Variants in PARD3B observed in about 807,000 individuals in gnomAD.
The protein encoded by PARD3B is par-3 family cell polarity regulator beta, also known as partitioning defective 3 homolog B.
PARD3B carries 103 observed loss-of-function variants against 130.2 expected under a neutral mutation model. The ratio of observed to expected loss-of-function variants is 0.79; its 90% CI spans 0.67 to 0.93. PARD3B has a LOEUF of 0.93. PARD3B is among the 40% of genes least tolerant of loss of function. The pLI, the probability that PARD3B is intolerant of heterozygous loss-of-function variation, is 0.00. For missense variants in PARD3B, 1,609 were observed against 1,499.2 expected, an observed-to-expected ratio of 1.07 and a Z score of -1.21; for synonymous variants, 583 against 553.2, an observed-to-expected ratio of 1.05 and a Z score of -0.76.
At chr2:204,879,002 G>A (rs2045945247) in intron 2 of PARD3B, among the ~76,000 whole-genome samples, 1 of 152,016 alleles carries the variant, frequency 6.6e-6, no homozygotes, top group Non-Finnish European at 1.5e-5. Flanking sequence ...GGTTGCTGTA[G>A]ATGCCCTTAG....
intron 4 of PARD3B, among the ~76,000 whole-genome samples, chr2:205,090,832 G>A (rs1225438228): frequency 2.6e-5 from 4 of 152,208 alleles, no homozygotes; most frequent in Non-Finnish European, 4.4e-5. Flanking sequence ...TGGCCCATTA[G>A]TGTGGGGAAG....
At chr2:205,006,810 A>G (rs979083306) in intron 3 of PARD3B, among the ~76,000 whole-genome samples, 1 of 152,022 alleles carries the variant, frequency 6.6e-6, no homozygotes, top group Non-Finnish European at 1.5e-5. Flanking sequence ...GAAGCTTTTT[A>G]GTTTTATTAG....
At chr2:204,992,271 G>A (rs2125245324) in intron 3 of PARD3B, among the ~76,000 whole-genome samples, 1 of 142,624 alleles carries the variant, frequency 7.0e-6, no homozygotes, top group East Asian at 2.1e-4. Context: ...GTAAGGAAGG[G>A]ATCCAGTTTC....
chr2:204,589,490 A>G (rs2032983328), intron 1 of PARD3B, among the ~76,000 whole-genome samples: 1 of 152,204 alleles, frequency 6.6e-6, no homozygotes. Context: ...CAGAACTTTT[A>G]TCTATTTCAC....
intron 2 of PARD3B, among the ~76,000 whole-genome samples, chr2:204,942,485 T>C (rs1688979987): frequency 6.6e-6 from 1 of 152,168 alleles, no homozygotes; most frequent in Admixed American, 6.5e-5. Flanking sequence ...TTGAGAATGT[T>C]TGAAACATTT....
intron 16 of PARD3B, among the ~76,000 whole-genome samples, chr2:205,278,617 C>G (rs1048693326): frequency 6.6e-6 from 1 of 152,158 alleles, no homozygotes; most frequent in Non-Finnish European, 1.5e-5. Flanking sequence ...TTGCTGAGCA[C>G]TCGAGAGACT....
chr2:204,664,459 C>T lies in PARD3B; in HGVS notation c.121-21722C>T, dbSNP rs2035942564. ...GGCATAACTAAATGCTTACCACCCT[C>T]CCTGAAAGTTAGTTACGTTTTGATC... On this transcript the variant is annotated intron_variant, in intron 1 of 22. Transcript: ENST00000406610. The surrounding 1 kb of genome is among the most constrained non-coding windows in gnomAD (Gnocchi z 5.2). Among the ~76,000 whole-genome samples the T allele has an allele frequency of 6.6e-6, 1 of 152,158 alleles. No homozygotes were observed. Among genetic ancestry groups the T allele is most frequent in the South Asian group, 2.1e-4 (1 of 4,834 alleles).
chr2:204,941,802 T>C (rs1688925459), intron 2 of PARD3B, among the ~76,000 whole-genome samples: 1 of 151,788 alleles, frequency 6.6e-6, no homozygotes, highest in Non-Finnish European at 1.5e-5. Flanking sequence ...TCATTGGTTT[T>C]TTTTAGAGTT....
At chr2:204,619,674 G>A (rs562328936) in intron 1 of PARD3B, among the ~76,000 whole-genome samples, 2 of 152,232 alleles carry the variant, frequency 1.3e-5, no homozygotes, top group East Asian at 1.9e-4. Flanking sequence ...CTAAGACCAC[G>A]TGAACCGATC....
At position 204,692,625 on chromosome 2, in the gene PARD3B, T is replaced by A. The variant is rs142470483; in HGVS notation, c.222+6343T>A. Among the ~76,000 whole-genome samples the A allele has an allele frequency of 3.5e-3, 526 of 152,146 alleles. 3 individuals carry two copies. Among genetic ancestry groups the A allele is most frequent in the African/African-American group, 0.012 (494 of 41,528 alleles). On this transcript the variant is annotated intron_variant, in intron 2 of 22. Coordinates refer to ENST00000406610, the MANE Select transcript of PARD3B (RefSeq NM_001302769.2). The stretch of plus-strand genomic sequence containing the variant: ...ATTAAAAGAAAAACAAATCAGGATA[T>A]GATGTGTTTTTGTTTTTCCTTCAAA...
At chr2:205,588,262 A>G (rs2054266565) in intron 22 of PARD3B, among the ~76,000 whole-genome samples, 1 of 152,214 alleles carries the variant, frequency 6.6e-6, no homozygotes, top group African/African-American at 2.4e-5. Flanking sequence ...TTCCTCATAA[A>G]AAAGATTTCC....
At chr2:204,659,626 C>T (rs2035738042) in intron 1 of PARD3B, among the ~76,000 whole-genome samples, 1 of 152,128 alleles carries the variant, frequency 6.6e-6, no homozygotes, top group Non-Finnish European at 1.5e-5. Flanking sequence ...AGGAGCTAGT[C>T]AGATTTTGAT....
chr2:204,777,784 T>C (rs2125445668), intron 2 of PARD3B, among the ~76,000 whole-genome samples: 1 of 152,178 alleles, frequency 6.6e-6, no homozygotes, highest in East Asian at 1.9e-4. Flanking sequence ...TGGCTCTGTA[T>C]CCCTACCCAA....
At chr2:204,891,158 C>T (rs573396739) in intron 2 of PARD3B, among the ~76,000 whole-genome samples, 89 of 151,770 alleles carry the variant, frequency 5.9e-4, no homozygotes, top group African/African-American at 1.9e-3. Flanking sequence ...TTCAACTGCA[C>T]GCTGTGTGTT....
intron 6 of PARD3B, among the ~76,000 whole-genome samples, chr2:205,115,332 T>A (rs1703948273): frequency 6.6e-6 from 1 of 152,172 alleles, no homozygotes; most frequent in Non-Finnish European, 1.5e-5. Flanking sequence ...TTCTTTTTTA[T>A]AACCTTGAGC....
At chr2:205,077,085 T>C (rs1277127375) in intron 4 of PARD3B, among the ~76,000 whole-genome samples, 1 of 152,068 alleles carries the variant, frequency 6.6e-6, no homozygotes. Flanking sequence ...TCACACATCG[T>C]TTGCTTCATT....
At chr2:205,426,312 A>T (rs1301855792) in intron 19 of PARD3B, among the ~76,000 whole-genome samples, 1 of 152,194 alleles carries the variant, frequency 6.6e-6, no homozygotes, top group African/African-American at 2.4e-5. Context: ...CTGACCAGGT[A>T]CAGCTTGTAG....
At chr2:205,386,041 C>T (rs948920878) in intron 18 of PARD3B, among the ~76,000 whole-genome samples, 2 of 152,126 alleles carry the variant, frequency 1.3e-5, no homozygotes, top group African/African-American at 4.8e-5. Context: ...ATTTAAGTTT[C>T]ATGATAGGCT....
chr2:204,561,155 A>G (rs893810241), intron 1 of PARD3B, among the ~76,000 whole-genome samples: 2 of 152,154 alleles, frequency 1.3e-5, no homozygotes, highest in Non-Finnish European at 2.9e-5. Flanking sequence ...GCCTGGAGCA[A>G]TCAGAAATCC....
Sources: allele counts gnomAD v4.1 joint callset (sites outside exome capture counted in the v4.1 genomes callset), GRCh38; gene constraint gnomAD v4.1.1; non-coding constraint Gnocchi (gnomAD v3.1); transcripts MANE v1.5; gene names NCBI Gene and HGNC (gene_info 2026-07-23, HGNC 2026-07-21).